CPD: variants seen among roughly 807,000 people sequenced by gnomAD.
CPD encodes metallocarboxypeptidase D.
Under a neutral mutation model 138.3 loss-of-function variants are expected in CPD, and 69 were observed. That is an observed-to-expected ratio of 0.50 (90% CI 0.41 to 0.61). The LOEUF (loss-of-function observed/expected upper bound fraction) is 0.61, where lower values mean the gene tolerates loss of function less well. CPD is among the 20% of genes least tolerant of loss of function. The pLI is 0.00. For missense variants in CPD, 1,432 were observed against 1,733.3 expected (o/e 0.83, Z 3.09); for synonymous variants, 651 against 642.1 (o/e 1.01, Z -0.21).
chr17:30,413,694 A>T (rs1031888021), intron 2 of CPD, among the ~76,000 whole-genome samples: 1 of 152,244 alleles, frequency 6.6e-6, no homozygotes, highest in Non-Finnish European at 1.5e-5. Context: ...ATAATCTGGC[A>T]GGGAGAAACA....
rs1913286048 is a variant in CPD at position 30,456,126 on chromosome 17, A to G, written c.3338-130A>G. On this transcript the variant is annotated intron_variant, in intron 15 of 20. Transcript: ENST00000225719. ...AATAAAACCTTTTAGGGTTAATTAT[A>G]GTAACAGTATACTTAAGTGGAGTGC... The G allele has an allele frequency of 4.7e-6, 3 of 643,242 alleles. No homozygotes were observed. In the Admixed American group the frequency reaches 8.8e-5, roughly 19 times the overall value. 39.8% of individuals were successfully genotyped at this position (643,242 alleles called of 1,614,324 possible).
rs1247788631 is a variant in CPD, at chr17:30,421,046, A to G, written c.1137+63A>G. On this transcript the variant is annotated intron_variant, in intron 3 of 20. Transcript: ENST00000225719. ...AGGATTAAATAAGGGAGAAATTTGGATGCATGTGAATGATAATCTATACAG... is the reference window on the plus strand; with the variant it reads ...AGGATTAAATAAGGGAGAAATTTGGGTGCATGTGAATGATAATCTATACAG... The G allele has an allele frequency of 8.6e-6, 12 of 1,399,760 alleles. No homozygotes were observed. In the South Asian group the frequency reaches 1.5e-4, roughly 17 times the overall value. 86.7% of individuals were successfully genotyped at this position (1,399,760 alleles called of 1,614,324 possible). A position where few individuals can be genotyped will look rare whatever the true frequency, so the allele number is the denominator to read the frequency against.
rs531870157 is a variant in CPD at position 30,466,412 on chromosome 17, T to C, written c.*1598T>C. ...TGGCTTTATAAAAGAAGATTTTCTTTAGCAAGAATAATGAGGTCATGTCAT... is the reference window on the plus strand; with the variant it reads ...TGGCTTTATAAAAGAAGATTTTCTTCAGCAAGAATAATGAGGTCATGTCAT... On this transcript the variant is annotated 3_prime_UTR_variant, in exon 21 of 21. Coordinates refer to ENST00000225719, the MANE Select transcript of CPD (RefSeq NM_001304.5). The C allele has an allele frequency of 6.6e-6, 1 of 152,642 alleles. No individual in the cohort carries two copies. Among genetic ancestry groups the C allele is most frequent in the Non-Finnish European group, 1.5e-5 (1 of 68,014 alleles). 9.5% of individuals were successfully genotyped at this position (152,642 alleles called of 1,614,324 possible).
At chr17:30,421,044 G>T (rs1312981265) in intron 3 of CPD, 61 bp downstream of exon 3, 14 of 1,458,806 alleles carry the variant, frequency 9.6e-6, no homozygotes, top group Non-Finnish European at 1.3e-5. Context: ...GGAGAAATTT[G>T]GATGCATGTG....
chr17:30,398,389 A>C (rs2030829874), intron 2 of CPD, among the ~76,000 whole-genome samples: 1 of 152,186 alleles, frequency 6.6e-6, no homozygotes, highest in Admixed American at 6.5e-5. Flanking sequence ...TTACTTCCAA[A>C]ATTAAAATTT....
intron 1 of CPD, among the ~76,000 whole-genome samples, chr17:30,384,607 G>A (rs1461572450): frequency 6.6e-6 from 1 of 152,064 alleles, no homozygotes; most frequent in Non-Finnish European, 1.5e-5. Flanking sequence ...AAAAGAAAAG[G>A]GTGAATATTG....
rs1404981288 is a variant in CPD at position 30,379,988 on chromosome 17, C to T, written c.746+262C>T. Among the ~76,000 whole-genome samples, 1 of 152,224 alleles carries T rather than the reference C, an allele frequency of 6.6e-6. No homozygotes were observed. The highest frequency in any genetic ancestry group is 1.5e-5 in the Non-Finnish European group (1 of 68,030). Reference sequence around the variant, plus strand: ...CTTTCTGACATTTCTGGTCCCTATTCTTACAGGGGCATAGAATATGAGCGA... The same window carrying T: ...CTTTCTGACATTTCTGGTCCCTATTTTTACAGGGGCATAGAATATGAGCGA... On this transcript the variant is annotated intron_variant, in intron 1 of 20. Coordinates refer to ENST00000225719, the MANE Select transcript of CPD (RefSeq NM_001304.5). The surrounding 1 kb of genome is among the most constrained non-coding windows in gnomAD (Gnocchi z 7.0).
intron 2 of CPD, among the ~76,000 whole-genome samples, chr17:30,409,550 A>G (rs1911902314): frequency 6.6e-6 from 1 of 152,122 alleles, no homozygotes; most frequent in Non-Finnish European, 1.5e-5. Context: ...TTGGTCTATT[A>G]AGAGATTCAA....
intron 1 of CPD, 56 bp from the exon 2 acceptor site, chr17:30,384,933 T>C (rs1911139733): frequency 3.2e-6 from 5 of 1,562,034 alleles, no homozygotes; most frequent in South Asian, 1.2e-5. Flanking sequence ...ATTTTTTTAA[T>C]GCATGGTGTT....
chr17:30,384,527 A>T (rs1212951744), intron 1 of CPD, among the ~76,000 whole-genome samples: 1 of 152,190 alleles, frequency 6.6e-6, no homozygotes, highest in African/African-American at 2.4e-5. Flanking sequence ...AGGGCCAGGC[A>T]TAGTGGCTCA....
intron 2 of CPD, among the ~76,000 whole-genome samples, chr17:30,416,874 G>A (rs561597630): frequency 2.0e-5 from 3 of 152,222 alleles, no homozygotes; most frequent in East Asian, 3.9e-4. Flanking sequence ...AGGCTGAGGC[G>A]GGTGGATCAC....
intron 2 of CPD, among the ~76,000 whole-genome samples, chr17:30,408,914 CA>C (rs1375475835): frequency 6.6e-6 from 1 of 151,630 alleles, no homozygotes; most frequent in Admixed American, 6.6e-5. Flanking sequence ...TTGCAGTATT[CA>C]AAAAAACTGG....
At chr17:30,393,984 A>T (rs1342502720) in intron 2 of CPD, among the ~76,000 whole-genome samples, 3 of 151,788 alleles carry the variant, frequency 2.0e-5, no homozygotes, top group African/African-American at 7.3e-5. Context: ...AAAATACAAA[A>T]ATTAGTGGGG....
chr17:30,431,778 T>C lies in CPD; in HGVS notation c.2024T>C (p.Leu675Ser), dbSNP rs142023021. 2.5e-6 allele frequency: 4 copies of C among 1,606,928 alleles called. No homozygotes were observed. The African/African-American group carries it at 5.4e-5, about 21-fold the overall frequency. ...VLSANLHGGS[L>S]VVNYPFDDDE... ...TTCCTCTTTTCCCTTATAGGTTCTT[T>C]GGTGGTTAACTACCCTTTTGATGAT... The change falls in exon 8 of 21, where the codon TTG (leucine) becomes TCG (serine). Residue 675 changes from leucine to serine, a missense_variant. Around this residue, in one of 6 missense-constraint regions of CPD, gnomAD observed 297 missense variants for 405.3 expected, o/e 0.73. Transcript: ENST00000225719.
In CPD at chr17:30,450,634, G is replaced by A. The variant is rs550695573; in HGVS notation, c.3069+886G>A. Among the ~76,000 whole-genome samples the A allele has an allele frequency of 2.6e-5, 4 of 152,300 alleles. No homozygotes were observed. The South Asian group carries it at 6.2e-4, about 24-fold the overall frequency. On this transcript the variant is annotated intron_variant, in intron 13 of 20. Transcript: ENST00000225719. ...AACACTTCAGGGGGCTGAAGAGAGA[G>A]GACCACTTGAGGCCAGGCGTTTGAG...
At chr17:30,395,872 A>G (rs1249686781) in intron 2 of CPD, among the ~76,000 whole-genome samples, 2 of 152,136 alleles carry the variant, frequency 1.3e-5, no homozygotes, top group Non-Finnish European at 2.9e-5. Context: ...ATTCAGTGGG[A>G]GTGGTGAAGG....
intron 2 of CPD, among the ~76,000 whole-genome samples, chr17:30,413,225 G>A (rs1268621279): frequency 3.3e-5 from 5 of 152,194 alleles, no homozygotes; most frequent in Admixed American, 1.3e-4. Context: ...ATGAATGCAC[G>A]TGTGTTTACG....
At chr17:30,416,248 C>T (rs769588525) in intron 2 of CPD, among the ~76,000 whole-genome samples, 6 of 152,174 alleles carry the variant, frequency 3.9e-5, no homozygotes, top group Non-Finnish European at 7.3e-5. Flanking sequence ...AGGAGAATTG[C>T]TTGAACCTGG....
intron 2 of CPD, among the ~76,000 whole-genome samples, chr17:30,386,901 T>C (rs1341892886): frequency 1.3e-5 from 2 of 152,216 alleles, no homozygotes; most frequent in Non-Finnish European, 2.9e-5. Flanking sequence ...CTAGGAATAA[T>C]GCGTAATGAA....
Sources: allele counts gnomAD v4.1 joint callset (sites outside exome capture counted in the v4.1 genomes callset), GRCh38; gene constraint gnomAD v4.1.1; regional missense constraint gnomAD v4.1.1; non-coding constraint Gnocchi (gnomAD v3.1); transcripts MANE v1.5; gene names NCBI Gene and HGNC (gene_info 2026-07-23, HGNC 2026-07-21).